The following DACH2 variants were observed in gnomAD, a reference collection of about 807,000 sequenced individuals.
DACH2 encodes the protein dachshund family transcription factor 2.
Under a neutral mutation model 35.8 loss-of-function variants are expected in DACH2, and 17 were observed. The ratio of observed to expected loss-of-function variants is 0.48; its 90% CI spans 0.33 to 0.71. DACH2 has a LOEUF of 0.71. DACH2 is among the 30% of genes least tolerant of loss of function. The pLI is 0.02. For synonymous variants in DACH2, 195 were observed against 177.3 expected (o/e 1.10, Z -0.79); for missense variants, 469 against 472.7 (o/e 0.99, Z 0.07).
chrX:86,522,772 G>T (rs1186249382), intron 3 of DACH2, among the ~76,000 whole-genome samples: 2 of 111,555 alleles, frequency 1.8e-5, no homozygotes, highest in African/African-American at 6.5e-5. Flanking sequence ...TCTGATATAA[G>T]TATCCCATTT....
chrX:86,628,803 G>A (rs1275965304), intron 3 of DACH2, among the ~76,000 whole-genome samples: 1 of 111,699 alleles, frequency 9.0e-6, no homozygotes, highest in African/African-American at 3.3e-5. Flanking sequence ...ATATCCAAGG[G>A]AAGACTGGCT....
At chrX:86,425,253 G>A (rs997489582) in intron 2 of DACH2, among the ~76,000 whole-genome samples, 20 of 110,285 alleles carry the variant, frequency 1.8e-4, no homozygotes, top group African/African-American at 6.2e-4. Context: ...AATGGTATCG[G>A]TATTAGTTCT....
intron 4 of DACH2, among the ~76,000 whole-genome samples, chrX:86,669,597 G>A (rs1015760771): frequency 4.5e-5 from 5 of 111,467 alleles, no homozygotes; most frequent in African/African-American, 1.6e-4. Context: ...GCTCAGTGAT[G>A]TAGTAAAGTT....
At chrX:86,409,252 G>GT (rs1218524588) in intron 2 of DACH2, among the ~76,000 whole-genome samples, 1 of 111,300 alleles carries the variant, frequency 9.0e-6, no homozygotes, top group Non-Finnish European at 1.9e-5. Context: ...TGAGGCAACT[G>GT]TTTAAAAGAC....
At position 86,667,552 on chromosome X, in the gene DACH2, GAAAGA is replaced by G. The variant is rs1569463675; in HGVS notation, c.772+16388_772+16392del. Among the ~76,000 whole-genome samples the G allele has an allele frequency of 1.9e-3, 88 of 45,425 alleles. 1 individual carries two copies. Among genetic ancestry groups the G allele is most frequent in the Middle Eastern group, 0.011 (1 of 92 alleles). The allele number at this position is 45,425 out of a possible 115,157, so 39.4% of individuals were successfully genotyped here. On this transcript the variant is annotated intron_variant, in intron 4 of 11. Coordinates refer to ENST00000373125, the MANE Select transcript of DACH2 (RefSeq NM_053281.3). ...AAGAAAGAAAGAAAGAAAGAAGAAA[GAAAGA>G]AAGAAAGAAAGAAAGAAAGAAAGAA...
chrX:86,503,121 C>T (rs759002006), intron 2 of DACH2, among the ~76,000 whole-genome samples: 5 of 112,069 alleles, frequency 4.5e-5, no homozygotes, highest in African/African-American at 1.3e-4. Flanking sequence ...AAATAGAATT[C>T]CCTCATGTAA....
chrX:86,314,912 A>G (rs1397345706), intron 1 of DACH2, among the ~76,000 whole-genome samples: 1 of 112,429 alleles, frequency 8.9e-6, no homozygotes, highest in African/African-American at 3.2e-5. Flanking sequence ...ACAATATAAA[A>G]CAGCGAGGTG....
At chrX:86,618,572 A>G (rs886886153) in intron 3 of DACH2, among the ~76,000 whole-genome samples, 8 of 112,243 alleles carry the variant, frequency 7.1e-5, no homozygotes, top group African/African-American at 2.3e-4. Flanking sequence ...TGATACATGT[A>G]CAAATATGTT....
At chrX:86,717,564 G>A (rs2041351652) in intron 6 of DACH2, among the ~76,000 whole-genome samples, 1 of 108,654 alleles carries the variant, frequency 9.2e-6, no homozygotes, top group Admixed American at 1.0e-4. Flanking sequence ...TATTTGACTG[G>A]AGTGTAAACT....
At chrX:86,722,304 T>G (rs1181484968) in intron 6 of DACH2, among the ~76,000 whole-genome samples, 2 of 111,627 alleles carry the variant, frequency 1.8e-5, no homozygotes, top group Non-Finnish European at 3.8e-5. Flanking sequence ...ATTATATGAT[T>G]TTTGTTTTTA....
intron 1 of DACH2, among the ~76,000 whole-genome samples, chrX:86,292,482 T>A (rs1478581783): frequency 1.8e-5 from 2 of 110,128 alleles, no homozygotes; most frequent in African/African-American, 6.6e-5. Flanking sequence ...TGAATGTGTT[T>A]GCTCTTGCTT....
intron 4 of DACH2, among the ~76,000 whole-genome samples, chrX:86,672,018 T>G (rs931606573): frequency 8.9e-6 from 1 of 112,176 alleles, no homozygotes; most frequent in Non-Finnish European, 1.9e-5. Context: ...TCACTCTTGC[T>G]ATGCTTTAGT....
At chrX:86,636,838 A>G (rs940002354) in intron 3 of DACH2, among the ~76,000 whole-genome samples, 2 of 110,575 alleles carry the variant, frequency 1.8e-5, no homozygotes, top group Non-Finnish European at 3.8e-5. Flanking sequence ...AGCAATTGCA[A>G]CAAAAACAAA....
At chrX:86,501,859 T>G (rs944587557) in intron 2 of DACH2, among the ~76,000 whole-genome samples, 8 of 111,846 alleles carry the variant, frequency 7.2e-5, no homozygotes, top group Non-Finnish European at 1.3e-4. Context: ...TTTTGGTATT[T>G]TAAACCAGTT....
intron 2 of DACH2, among the ~76,000 whole-genome samples, chrX:86,393,388 T>C (rs1286911718): frequency 8.9e-6 from 1 of 112,278 alleles, no homozygotes; most frequent in African/African-American, 3.2e-5. Context: ...TTCCCATTGC[T>C]CAGCATGTTG....
At chrX:86,820,650 TTATAA>T (rs2042502502) in intron 11 of DACH2, among the ~76,000 whole-genome samples, 1 of 111,208 alleles carries the variant, frequency 9.0e-6, no homozygotes, top group Non-Finnish European at 1.9e-5. Flanking sequence ...TTAACATCTA[TTATAA>T]TATATTAAAA....
intron 1 of DACH2, among the ~76,000 whole-genome samples, chrX:86,292,111 T>C (rs1281022053): frequency 1.6e-5 from 1 of 63,315 alleles, no homozygotes; most frequent in African/African-American, 8.1e-5. Flanking sequence ...GATCCTGTTA[T>C]TGGTCTATTC....
At chrX:86,576,917 G>T (rs1037347668) in intron 3 of DACH2, among the ~76,000 whole-genome samples, 3 of 111,135 alleles carry the variant, frequency 2.7e-5, no homozygotes, top group Non-Finnish European at 5.7e-5. Context: ...CTTCTGCTCT[G>T]AGTGGAAGCT....
At chrX:86,285,591 T>C (rs59241098) in intron 1 of DACH2, among the ~76,000 whole-genome samples, 1,466 of 112,232 alleles carry the variant, frequency 0.013, 18 homozygotes, top group African/African-American at 0.043. Flanking sequence ...ATATGGTCTT[T>C]TTTTTACAAT....
Sources: gnomAD v4.1 joint callset for allele counts (sites outside exome capture counted in the v4.1 genomes callset) on GRCh38, gnomAD v4.1.1 for gene constraint, MANE v1.5 for transcripts, NCBI Gene and HGNC (gene_info 2026-07-23, HGNC 2026-07-21) for gene names.